RBL1: variants seen among roughly 807,000 people sequenced by gnomAD.
RBL1 encodes RB transcriptional corepressor like 1, also known as retinoblastoma-like protein 1.
In RBL1, 82 loss-of-function variants were observed where a neutral mutation model predicts 123.0. The observed-to-expected ratio is 0.67, with a 90% CI of 0.56 to 0.80. RBL1 has a LOEUF of 0.80. RBL1 is among the 30% of genes least tolerant of loss of function. The pLI, the probability that RBL1 is intolerant of heterozygous loss-of-function variation, is 0.00. For missense variants in RBL1, 1,171 were observed against 1,299.6 expected, an observed-to-expected ratio of 0.90 and a Z score of 1.52; for synonymous variants, 405 against 441.3, an observed-to-expected ratio of 0.92 and a Z score of 1.03.
chr20:37,006,207 G>GT (rs139754029), intron 20 of RBL1, among the ~76,000 whole-genome samples: 20,491 of 140,968 alleles, frequency 0.15, 2,062 homozygotes, highest in East Asian at 0.49. Context: ...ACCTCCTTTT[G>GT]TTTTTTTTTT....
At position 37,006,207 on chromosome 20, in the gene RBL1, G is replaced by GC. The variant is rs537296086; in HGVS notation, c.2871+1203_2871+1204insG. Among the ~76,000 whole-genome samples, 343 of 141,118 alleles carry GC rather than the reference G, an allele frequency of 2.4e-3. 3 individuals carry two copies. The highest frequency in any genetic ancestry group is 8.8e-3 in the African/African-American group (334 of 38,026). The allele number at this position is 141,118 out of a possible 152,430, so 92.6% of individuals were successfully genotyped here. A position where few individuals can be genotyped will look rare whatever the true frequency, so the allele number is the denominator to read the frequency against. On this transcript the variant is annotated intron_variant, in intron 20 of 21. Coordinates refer to ENST00000373664, the MANE Select transcript of RBL1 (RefSeq NM_002895.5). ...GAGCCACAGCACCTGACCTCCTTTT[G>GC]TTTTTTTTTTGAGACAGAGTTTCCC... is the stretch of plus-strand genomic sequence containing the variant.
At chr20:37,084,160 A>C (rs1165278417) in intron 2 of RBL1, among the ~76,000 whole-genome samples, 1 of 151,994 alleles carries the variant, frequency 6.6e-6, no homozygotes, top group African/African-American at 2.4e-5. Flanking sequence ...TTGGCCTCCC[A>C]AAGTGCTGGG....
At chr20:37,079,022 C>A (rs143874526) in intron 2 of RBL1, among the ~76,000 whole-genome samples, 4 of 151,934 alleles carry the variant, frequency 2.6e-5, no homozygotes, top group African/African-American at 4.8e-5. Context: ...ACATGGCAAA[C>A]CCCATCTCTA....
At chr20:37,061,290 G>GT in intron 8 of RBL1, 21 bp from the exon 9 acceptor site, 1 of 1,603,132 alleles carries the variant, frequency 6.2e-7, no homozygotes, top group Non-Finnish European at 8.5e-7. Flanking sequence ...AGAAAAATCC[G>GT]TGAGTTTTTA....
intron 21 of RBL1, among the ~76,000 whole-genome samples, chr20:37,001,362 A>C (rs111947841): frequency 1.4e-3 from 210 of 150,982 alleles, no homozygotes; most frequent in African/African-American, 3.0e-3. Context: ...GATGGTTGCC[A>C]TGTCTGTGTA....
Position 37,089,061 on chromosome 20 carries a change from G to A in RBL1, c.218C>T (p.Pro73Leu). The change falls in exon 2 of 22, where the codon CCC (proline) becomes CTC (leucine). Residue 73 changes from proline to leucine, a missense_variant. Coordinates refer to ENST00000373664, the MANE Select transcript of RBL1 (RefSeq NM_002895.5). ...LYVACRKSII[P>L]TVGKGIMEGN... is the part of the protein sequence containing the mutation. ...TTCCATGATACCCTTTCCAACCGTG[G>A]GAATAATGCTTTTGCGGCATGCAAC... The A allele has an allele frequency of 6.2e-7, 1 of 1,612,356 alleles. No homozygotes were observed. The highest frequency in any genetic ancestry group is 8.5e-7 in the Non-Finnish European group (1 of 1,179,120).
intron 21 of RBL1, 62 bp from the exon 22 acceptor site, chr20:36,998,991 C>T: frequency 6.7e-7 from 1 of 1,486,628 alleles, no homozygotes; most frequent in South Asian, 1.2e-5. Context: ...CAGCAAACAA[C>T]CAAGCTAATT....
Position 36,998,468 on chromosome 20 carries a change from C to A in RBL1, c.*291G>T. ...CGAACTCCTGACCTCCGGTGATCTG[C>A]CCGCCTTGGCCTCCCAAAGTCCTGG... On this transcript the variant is annotated 3_prime_UTR_variant, in exon 22 of 22. Coordinates refer to ENST00000373664, the MANE Select transcript of RBL1 (RefSeq NM_002895.5). 4.3e-6 allele frequency: 1 copy of A among 231,190 alleles called. No homozygotes were observed. The highest frequency in any genetic ancestry group is 8.5e-6 in the Non-Finnish European group (1 of 118,118). 14.3% of individuals were successfully genotyped at this position (231,190 alleles called of 1,614,324 possible). A position where few individuals can be genotyped will look rare whatever the true frequency, so the allele number is the denominator to read the frequency against.
In RBL1 at chr20:37,062,080, T is replaced by A. The variant is rs2065104250; in HGVS notation, c.1083+4A>T. ...AAGATTGAGGCCAGGCTAGGTTATA[T>A]TACTTTTTCAAAGTGCTGTTGAAGG... On this transcript the variant is annotated splice_donor_region_variant and intron_variant, in intron 8 of 21. Coordinates refer to ENST00000373664, the MANE Select transcript of RBL1 (RefSeq NM_002895.5). The A allele has an allele frequency of 1.2e-6, 2 of 1,610,322 alleles. No individual in the cohort carries two copies. Among genetic ancestry groups the A allele is most frequent in the Non-Finnish European group, 1.7e-6 (2 of 1,177,848 alleles).
chr20:37,013,014 G>A (rs1159722163), intron 19 of RBL1, among the ~76,000 whole-genome samples: 2 of 152,076 alleles, frequency 1.3e-5, no homozygotes, highest in African/African-American at 4.8e-5. Flanking sequence ...GAGGTGAGGG[G>A]CGCCTCTGCC....
chr20:37,039,274 G>GT (rs571013223), intron 14 of RBL1, among the ~76,000 whole-genome samples: 84 of 152,256 alleles, frequency 5.5e-4, no homozygotes, highest in Admixed American at 1.8e-3. Flanking sequence ...TGCTTTAAAT[G>GT]TTTTTCTACA....
chr20:37,012,974 G>A (rs1210479514), intron 19 of RBL1, among the ~76,000 whole-genome samples: 2 of 150,820 alleles, frequency 1.3e-5, no homozygotes, highest in African/African-American at 4.9e-5. Context: ...GGGGGGGTCA[G>A]CCCCCCGCCC....
chr20:37,018,885 T>A (rs1047311852), intron 18 of RBL1, among the ~76,000 whole-genome samples: 1 of 151,886 alleles, frequency 6.6e-6, no homozygotes, highest in East Asian at 1.9e-4. Flanking sequence ...TGGGTGGAGG[T>A]TGCATTGAGC....
intron 15 of RBL1, 76 bp from the exon 16 acceptor site, chr20:37,032,952 T>C: frequency 6.5e-7 from 1 of 1,543,926 alleles, no homozygotes; most frequent in South Asian, 1.3e-5. Context: ...TTTTGACAAT[T>C]ATATATACAT....
At position 37,061,131 on chromosome 20, in the gene RBL1, G is replaced by T; in HGVS notation, c.1222C>A (p.Pro408Thr). 6.2e-7 allele frequency: 1 copy of T among 1,609,562 alleles called. No individual in the cohort carries two copies. Among genetic ancestry groups the T allele is most frequent in the South Asian group, 1.1e-5 (1 of 90,312 alleles). Residue 408 changes from proline to threonine, a missense_variant, in exon 9 of 22, where the codon CCA (proline) becomes ACA (threonine). Transcript: ENST00000373664. ...QSIVAGLKNA[P>T]SDQLINIFES... ...AAAATATTTATAAGTTGGTCACTTG[G>T]TGCATTTTTCAGACCAGCCACAATA...
At chr20:37,088,280 A>AAG (rs1332754434) in intron 2 of RBL1, among the ~76,000 whole-genome samples, 2 of 151,524 alleles carry the variant, frequency 1.3e-5, no homozygotes, top group African/African-American at 4.8e-5. Flanking sequence ...AAAAAAAAAA[A>AAG]AGAGAGAGAG....
At chr20:36,999,011 T>G in intron 21 of RBL1, 82 bp from the exon 22 acceptor site, 1 of 1,356,510 alleles carries the variant, frequency 7.4e-7, no homozygotes, top group East Asian at 2.3e-5. Flanking sequence ...TGTTTTTTCC[T>G]GTGCTCTATC....
At chr20:37,070,096 TG>T (rs1395578121) in intron 2 of RBL1, among the ~76,000 whole-genome samples, 2 of 152,198 alleles carry the variant, frequency 1.3e-5, no homozygotes, top group Non-Finnish European at 2.9e-5. Flanking sequence ...GAAGTAGACA[TG>T]GGAGACTTTT....
At chr20:37,004,884 A>C (rs1165515930) in intron 20 of RBL1, among the ~76,000 whole-genome samples, 1 of 151,290 alleles carries the variant, frequency 6.6e-6, no homozygotes, top group African/African-American at 2.4e-5. Flanking sequence ...AGCTCCTAAA[A>C]ATATAAAAAT....
Sources: allele counts gnomAD v4.1 joint callset (sites outside exome capture counted in the v4.1 genomes callset), GRCh38; gene constraint gnomAD v4.1.1; transcripts MANE v1.5; gene names NCBI Gene and HGNC (gene_info 2026-07-23, HGNC 2026-07-21).